Variants in KAT14 observed in about 807,000 individuals in gnomAD.
KAT14 encodes lysine acetyltransferase 14.
A neutral mutation model predicts 78.4 loss-of-function variants in KAT14; 66 were observed. That is an observed-to-expected ratio of 0.84 (90% CI 0.69 to 1.03). KAT14 has a LOEUF of 1.03. Ranked by LOEUF, KAT14 falls within the 50% of genes least tolerant of loss-of-function variation. KAT14 has a pLI of 0.00. For synonymous variants in KAT14, 344 were observed against 359.4 expected (o/e 0.96, Z 0.48); for missense variants, 870 against 972.5 (o/e 0.89, Z 1.40).
chr20:18,158,226 G>A (rs1181095792), intron 4 of KAT14, among the ~76,000 whole-genome samples: 5 of 152,126 alleles, frequency 3.3e-5, no homozygotes, highest in Admixed American at 1.3e-4. Context: ...GTGAGCCACC[G>A]CACCCAGCCT....
intron 3 of KAT14, among the ~76,000 whole-genome samples, chr20:18,147,051 A>T (rs543568656): frequency 6.6e-6 from 1 of 152,148 alleles, no homozygotes; most frequent in Non-Finnish European, 1.5e-5. Flanking sequence ...TACCCACAGC[A>T]CTTTTTACTT....
rs199981319 is a variant in KAT14, at chr20:18,162,709, C to G, written c.1432C>G (p.Pro478Ala). Residue 478 changes from proline (P) to alanine (A), a missense_variant, in exon 7 of 11, where the codon CCC becomes GCC. Coordinates refer to ENST00000688188, the MANE Select transcript of KAT14 (RefSeq NM_001392073.1). The part of the protein sequence containing the change: ...KLLLKRLEAC[P>A]GAVAMTPEAR... ...GCTGCTCAAGAGGCTGGAAGCTTGT[C>G]CCGGTGCTGTTGCCATGACTCCGGA... The G allele has an allele frequency of 6.2e-7, 1 of 1,614,228 alleles. No individual in the cohort carries two copies. The highest frequency in any genetic ancestry group is 1.1e-5 in the South Asian group (1 of 91,088).
chr20:18,170,657 C>G (rs969532582), intron 7 of KAT14, among the ~76,000 whole-genome samples: 3 of 152,202 alleles, frequency 2.0e-5, no homozygotes, highest in Non-Finnish European at 4.4e-5. Context: ...GCCTCAGCCT[C>G]CTGAGTAGCT....
At chr20:18,181,935 T>C in intron 8 of KAT14, 89 bp downstream of exon 8, 1 of 1,539,614 alleles carries the variant, frequency 6.5e-7, no homozygotes, top group Non-Finnish European at 8.8e-7. Flanking sequence ...TTGGAGAGAA[T>C]AAAGATCACA....
At chr20:18,152,509 G>A (rs1041557378) in intron 4 of KAT14, among the ~76,000 whole-genome samples, 6 of 152,176 alleles carry the variant, frequency 3.9e-5, no homozygotes, top group Admixed American at 1.3e-4. Context: ...CCTGGGAGGC[G>A]GAGGTTACAG....
chr20:18,183,558 C>T (rs2039344652), intron 9 of KAT14: 1 of 984,054 alleles, frequency 1.0e-6, no homozygotes, highest in African/African-American at 1.7e-5. Flanking sequence ...TCCTGTTTTG[C>T]TTCTGCATAT....
intron 7 of KAT14, among the ~76,000 whole-genome samples, chr20:18,177,930 T>C (rs2039104660): frequency 6.6e-6 from 1 of 152,134 alleles, no homozygotes; most frequent in Non-Finnish European, 1.5e-5. Context: ...TTAGGATACC[T>C]TCCTAGGGAA....
At chr20:18,141,712 C>T (rs796075757) in intron 1 of KAT14, among the ~76,000 whole-genome samples, 9 of 152,204 alleles carry the variant, frequency 5.9e-5, no homozygotes, top group African/African-American at 9.6e-5. Flanking sequence ...GGTGAAACCC[C>T]GTCTCTACTA....
intron 7 of KAT14, among the ~76,000 whole-genome samples, chr20:18,180,034 A>C (rs754093875): frequency 4.6e-5 from 7 of 151,812 alleles, no homozygotes; most frequent in Non-Finnish European, 8.8e-5. Flanking sequence ...ATGCCTGGCT[A>C]ATTTTTGCAT....
intron 2 of KAT14, among the ~76,000 whole-genome samples, chr20:18,144,415 T>G (rs2037739372): frequency 6.6e-6 from 1 of 152,184 alleles, no homozygotes; most frequent in Non-Finnish European, 1.5e-5. Context: ...AACTTATTCT[T>G]CACAAACAAT....
At chr20:18,180,485 C>G (rs1452101550) in intron 7 of KAT14, among the ~76,000 whole-genome samples, 1 of 151,862 alleles carries the variant, frequency 6.6e-6, no homozygotes, top group East Asian at 1.9e-4. Context: ...CTGTTTCAGC[C>G]TCTGCCTAAT....
chr20:18,142,042 G>A (rs1013773442), intron 1 of KAT14, among the ~76,000 whole-genome samples, 166 bp from the exon 2 acceptor site: 3 of 151,766 alleles, frequency 2.0e-5, no homozygotes, highest in Non-Finnish European at 2.9e-5. Context: ...TTATTTGATC[G>A]TTTATTACAT....
intron 7 of KAT14, 100 bp downstream of exon 7, chr20:18,163,045 C>T (rs777481195): frequency 7.3e-5 from 103 of 1,413,770 alleles, no homozygotes; most frequent in Non-Finnish European, 9.7e-5. Context: ...CCTTTTAAAT[C>T]CTGAGTAATT....
chr20:18,182,584 G>C (rs1159256257), intron 8 of KAT14, among the ~76,000 whole-genome samples: 1 of 152,232 alleles, frequency 6.6e-6, no homozygotes, highest in Non-Finnish European at 1.5e-5. Flanking sequence ...AGCTGAGCTT[G>C]CTAGAGAGGA....
chr20:18,181,917 T>C, intron 8 of KAT14, 71 bp downstream of exon 8: 1 of 1,588,004 alleles, frequency 6.3e-7, no homozygotes, highest in Admixed American at 1.7e-5. Flanking sequence ...CTGTGCCCTG[T>C]TCTCCTGTTG....
intron 7 of KAT14, among the ~76,000 whole-genome samples, chr20:18,164,169 C>A (rs1316015450): frequency 3.3e-5 from 5 of 152,160 alleles, no homozygotes. Context: ...TAATTCCCAT[C>A]TTTCCTGGGA....
intron 7 of KAT14, among the ~76,000 whole-genome samples, chr20:18,171,306 G>C (rs2038835068): frequency 6.6e-6 from 1 of 152,216 alleles, no homozygotes; most frequent in Non-Finnish European, 1.5e-5. Flanking sequence ...TAAATGTCAT[G>C]ATAAAACTTG....
chr20:18,143,382 C>CT (rs1290914436), intron 2 of KAT14, among the ~76,000 whole-genome samples: 3 of 151,730 alleles, frequency 2.0e-5, no homozygotes, highest in Non-Finnish European at 4.4e-5. Context: ...TAGGACCAGT[C>CT]TTTTTTTCCA....
rs1304250970 is a variant in KAT14, at chr20:18,162,665, G to T, written c.1388G>T (p.Ser463Ile). 22 of 1,614,110 alleles carry T rather than the reference G, an allele frequency of 1.4e-5. No individual in the cohort carries two copies. Among genetic ancestry groups the T allele is most frequent in the Non-Finnish European group, 1.9e-5 (22 of 1,180,056 alleles). Residue 463 changes from serine to isoleucine, a missense_variant, in exon 7 of 11, where the codon AGC (serine) becomes ATC (isoleucine). Transcript: ENST00000688188. ...KPKEPRYTPVSIYEEKLLLKR... is the reference protein window; with the variant it reads ...KPKEPRYTPVIIYEEKLLLKR... ...AAAGAGCCCAGGTATACTCCCGTGA[G>T]CATCTACGAGGAAAAGCTGCTGCTC...
Sources: gnomAD v4.1 joint callset for allele counts (sites outside exome capture counted in the v4.1 genomes callset) on GRCh38, gnomAD v4.1.1 for gene constraint, MANE v1.5 for transcripts, NCBI Gene and HGNC (gene_info 2026-07-23, HGNC 2026-07-21) for gene names.